The following SLCO5A1 variants were observed in gnomAD, a reference collection of about 807,000 sequenced individuals.
The protein encoded by SLCO5A1 is organic anion transporter polypeptide-related protein 4.
Under a neutral mutation model 65.1 loss-of-function variants are expected in SLCO5A1, and 39 were observed. The ratio of observed to expected loss-of-function variants is 0.60; its 90% confidence interval spans 0.46 to 0.78. The LOEUF (loss-of-function observed/expected upper bound fraction) is 0.78, where lower values mean the gene tolerates loss of function less well. Among genes scored for constraint, SLCO5A1 ranks in the 30% least tolerant of loss-of-function variants. The pLI is 0.00. For synonymous variants in SLCO5A1, 438 were observed against 415.7 expected (o/e 1.05, Z -0.65); for missense variants, 1,029 against 1,069.4 (o/e 0.96, Z 0.53).
At chr8:69,730,845 G>C (rs1816304988) in intron 5 of SLCO5A1, among the ~76,000 whole-genome samples, 1 of 152,108 alleles carries the variant, frequency 6.6e-6, no homozygotes, top group South Asian at 2.1e-4. Flanking sequence ...CCCCTGGAGA[G>C]CTCGGCTGTT....
chr8:69,749,644 A>G (rs1361510559), intron 4 of SLCO5A1, among the ~76,000 whole-genome samples: 1 of 151,962 alleles, frequency 6.6e-6, no homozygotes, highest in East Asian at 1.9e-4. Context: ...GAAAAAGAAA[A>G]AGAAATGACC....
intron 2 of SLCO5A1, among the ~76,000 whole-genome samples, chr8:69,762,201 T>C (rs539883211): frequency 2.3e-5 from 3 of 129,294 alleles, no homozygotes; most frequent in African/African-American, 9.3e-5. Context: ...TTTCTTTCTT[T>C]TTTGAGACAG....
intron 5 of SLCO5A1, among the ~76,000 whole-genome samples, chr8:69,710,241 A>C (rs1301561100): frequency 1.3e-5 from 2 of 151,812 alleles, no homozygotes; most frequent in Non-Finnish European, 2.9e-5. Flanking sequence ...CTGTTCTCGA[A>C]CTCCTGACCT....
chr8:69,755,171 C>T (rs1201200729), intron 4 of SLCO5A1, among the ~76,000 whole-genome samples: 1 of 152,022 alleles, frequency 6.6e-6, no homozygotes. Context: ...TTGCAAAATA[C>T]ACAAATGATG....
intron 6 of SLCO5A1, among the ~76,000 whole-genome samples, chr8:69,699,360 C>G (rs1012141237): frequency 6.6e-6 from 1 of 152,150 alleles, no homozygotes; most frequent in Non-Finnish European, 1.5e-5. Context: ...TCTAGGATGC[C>G]AGCAGCAAGG....
intron 2 of SLCO5A1, among the ~76,000 whole-genome samples, chr8:69,766,249 C>T (rs1430555685): frequency 1.3e-5 from 2 of 152,150 alleles, no homozygotes; most frequent in African/African-American, 4.8e-5. Context: ...CCTTAATATC[C>T]TCTAGAAACA....
intron 6 of SLCO5A1, among the ~76,000 whole-genome samples, chr8:69,690,906 A>G (rs1814232330): frequency 1.3e-5 from 2 of 152,228 alleles, no homozygotes; most frequent in Admixed American, 6.5e-5. Flanking sequence ...ATGACAATTG[A>G]TAAATGAAAG....
intron 5 of SLCO5A1, among the ~76,000 whole-genome samples, chr8:69,706,033 A>G (rs1814954096): frequency 6.6e-6 from 1 of 152,226 alleles, no homozygotes; most frequent in Non-Finnish European, 1.5e-5. Context: ...AAATAAACCA[A>G]ATGTCCATTA....
chr8:69,703,110 C>CA (rs34113730), intron 6 of SLCO5A1, among the ~76,000 whole-genome samples: 5,878 of 82,738 alleles, frequency 0.071, 270 homozygotes, highest in African/African-American at 0.18. Flanking sequence ...GACTCTGTTT[C>CA]AAAAAAAAAA....
intron 2 of SLCO5A1, among the ~76,000 whole-genome samples, chr8:69,826,473 T>C (rs1000761538): frequency 6.6e-6 from 1 of 151,928 alleles, no homozygotes; most frequent in Non-Finnish European, 1.5e-5. Flanking sequence ...GGGCAAAGGA[T>C]ATGAACAGAC....
chr8:69,742,996 T>C (rs1330858910), intron 4 of SLCO5A1, among the ~76,000 whole-genome samples: 1 of 151,966 alleles, frequency 6.6e-6, no homozygotes, highest in Non-Finnish European at 1.5e-5. Context: ...GAGACGGAGT[T>C]TCACCATGTT....
chr8:69,738,162 A>G lies in SLCO5A1; in HGVS notation c.1301T>C (p.Phe434Ser). 2 of 1,613,554 alleles carry G rather than the reference A, an allele frequency of 1.2e-6. No homozygotes were observed. Among genetic ancestry groups the G allele is most frequent in the Non-Finnish European group, 1.7e-6 (2 of 1,179,692 alleles). ...TGTGTATGACAAACTCACAAAAAGG[A>G]ATGTCATGTTGCTTAAGATCCTGAC... Reference protein sequence around the residue: ...AAVRILSNMTFLFVSLSYTAE... With the variant: ...AAVRILSNMTSLFVSLSYTAE... Residue 434 changes from phenylalanine (F) to serine (S), a missense_variant, in exon 5 of 10, where the codon TTC becomes TCC. Transcript: ENST00000260126.
At chr8:69,761,560 A>G (rs935205029) in intron 3 of SLCO5A1, 183 bp downstream of exon 3, 8 of 605,342 alleles carry the variant, frequency 1.3e-5, no homozygotes, top group Admixed American at 1.2e-4. Context: ...TAACATATTC[A>G]TAGGTTCTGG....
intron 4 of SLCO5A1, among the ~76,000 whole-genome samples, chr8:69,754,344 A>G (rs1033686765): frequency 2.6e-5 from 4 of 152,228 alleles, no homozygotes; most frequent in African/African-American, 9.7e-5. Context: ...GCTTTCAAAA[A>G]TTACAGTCTT....
rs1814501317 is a variant in SLCO5A1, at chr8:69,696,411, G to A, written c.1622+8620C>T. Among the ~76,000 whole-genome samples, 3 of 152,318 alleles carry A rather than the reference G, an allele frequency of 2.0e-5. No individual in the cohort carries two copies. In the South Asian group the frequency reaches 6.2e-4, roughly 32 times the overall value. On this transcript the variant is annotated intron_variant, in intron 6 of 9. Coordinates refer to ENST00000260126, the MANE Select transcript of SLCO5A1 (RefSeq NM_030958.3). ...TTCTGAGCTCAAAGTGAGCAGATGT[G>A]ACAGAAGGCAAAAGTGAGATGTGGA...
At chr8:69,716,167 A>G (rs1339710059) in intron 5 of SLCO5A1, among the ~76,000 whole-genome samples, 1 of 152,186 alleles carries the variant, frequency 6.6e-6, no homozygotes, top group African/African-American at 2.4e-5. Flanking sequence ...CCTATTTATG[A>G]CCAAATAACA....
At chr8:69,826,703 T>A (rs1171688746) in intron 2 of SLCO5A1, among the ~76,000 whole-genome samples, 2 of 152,204 alleles carry the variant, frequency 1.3e-5, no homozygotes, top group African/African-American at 2.4e-5. Flanking sequence ...AACCAACCAA[T>A]GTAAACTAGT....
chr8:69,705,302 T>C, intron 5 of SLCO5A1, 73 bp from the exon 6 acceptor site: 1 of 1,468,716 alleles, frequency 6.8e-7, no homozygotes, highest in Non-Finnish European at 9.4e-7. Flanking sequence ...TTCTGTCTCT[T>C]GCTCAGTAGT....
At chr8:69,790,624 C>T (rs1011272759) in intron 2 of SLCO5A1, among the ~76,000 whole-genome samples, 4 of 151,838 alleles carry the variant, frequency 2.6e-5, no homozygotes, top group African/African-American at 9.7e-5. Flanking sequence ...GCATTCCAAC[C>T]TAGGCAATAT....
Sources: gnomAD v4.1 joint callset for allele counts (sites outside exome capture counted in the v4.1 genomes callset) on GRCh38, gnomAD v4.1.1 for gene constraint, MANE v1.5 for transcripts, NCBI Gene and HGNC (gene_info 2026-07-23, HGNC 2026-07-21) for gene names.